ANXA8: variants seen among roughly 807,000 people sequenced by gnomAD.
ANXA8 encodes VAC-beta.
A neutral mutation model predicts 26.8 loss-of-function variants in ANXA8; 9 were observed. The observed-to-expected ratio is 0.34, with a 90% CI of 0.20 to 0.59. ANXA8 has a LOEUF of 0.59. Ranked by LOEUF, ANXA8 falls within the 20% of genes least tolerant of loss-of-function variation. The probability of loss-of-function intolerance (pLI) is 0.84; values close to 1 mark genes in which losing one functional copy is unlikely to be tolerated. For missense variants in ANXA8, 83 were observed against 238.5 expected (o/e 0.35, Z 4.29); for synonymous variants, 39 against 94.8 (o/e 0.41, Z 3.42).
chr10:47,743,327 T>TACATATATATAC, the ANXA8 span, among the ~76,000 whole-genome samples: 1 of 40,334 alleles, frequency 2.5e-5, no homozygotes, highest in Non-Finnish European at 5.6e-5. Flanking sequence ...TATATATATA[T>TACATATATATAC]ACATATATAT....
At chr10:47,938,106 G>A in the ANXA8 span, among the ~76,000 whole-genome samples, 234 of 37,456 alleles carry the variant, frequency 6.2e-3, no homozygotes, top group Middle Eastern at 0.035. Flanking sequence ...TTACCTCACT[G>A]TTTTCCACAA....
chr10:47,900,910 T>C, the ANXA8 span, among the ~76,000 whole-genome samples: 14 of 116,350 alleles, frequency 1.2e-4, no homozygotes, highest in South Asian at 3.8e-3. Flanking sequence ...AGTAACAGCA[T>C]GGAAAAGCTT....
chr10:47,744,395 T>A, the ANXA8 span, among the ~76,000 whole-genome samples: 1 of 57,566 alleles, frequency 1.7e-5, no homozygotes, highest in Non-Finnish European at 3.6e-5. Context: ...TGTCCACACG[T>A]GGGGAAGGCT....
the ANXA8 span, among the ~76,000 whole-genome samples, chr10:47,940,656 C>T: frequency 1.4e-5 from 2 of 147,814 alleles, no homozygotes; most frequent in Admixed American, 6.7e-5. Context: ...GGTGAAACAC[C>T]GTCTCTACTA....
chr10:47,669,988 C>G, the ANXA8 span, among the ~76,000 whole-genome samples: 1 of 151,834 alleles, frequency 6.6e-6, no homozygotes, highest in Admixed American at 6.6e-5. Context: ...CAAAAAGAAA[C>G]CCCATACCCA....
chr10:47,523,861 C>T, the ANXA8 span, among the ~76,000 whole-genome samples: 56 of 146,504 alleles, frequency 3.8e-4, no homozygotes, highest in African/African-American at 8.8e-4. Context: ...CGGAGCTCCT[C>T]CTCCTTCTGT....
At chr10:47,985,046 G>A in the ANXA8 span, among the ~76,000 whole-genome samples, 1 of 148,538 alleles carries the variant, frequency 6.7e-6, no homozygotes, top group South Asian at 2.1e-4. Flanking sequence ...AAGCTATGGA[G>A]GGGAGAAAAT....
chr10:47,898,811 ATTT>A, the ANXA8 span, among the ~76,000 whole-genome samples: 2 of 56,254 alleles, frequency 3.6e-5, no homozygotes, highest in African/African-American at 1.7e-4. Context: ...AAGAGAATGG[ATTT>A]TTTTTTTTTT....
the ANXA8 span, among the ~76,000 whole-genome samples, chr10:47,743,352 A>ATACATATATATATG: frequency 7.2e-4 from 50 of 69,592 alleles, 3 homozygotes; most frequent in East Asian, 0.014. Flanking sequence ...ATATATATAT[A>ATACATATATATATG]TACACATATA....
chr10:47,958,899 A>G, the ANXA8 span, among the ~76,000 whole-genome samples: 2 of 150,146 alleles, frequency 1.3e-5, 1 homozygote, highest in Non-Finnish European at 2.9e-5. Flanking sequence ...AATTACCTCC[A>G]TCTATCTAGT....
At chr10:47,970,379 GTCC>G in the ANXA8 span, 1 of 150,978 alleles carries the variant, frequency 6.6e-6, no homozygotes, top group African/African-American at 2.4e-5. Flanking sequence ...AAGGAGGTGT[GTCC>G]TCCTTGGAAG....
chr10:47,658,310 C>T, the ANXA8 span, among the ~76,000 whole-genome samples: 240 of 151,122 alleles, frequency 1.6e-3, 3 homozygotes, highest in African/African-American at 5.5e-3. Context: ...CACTTGAACC[C>T]GGGAGACGGA....
chr10:47,686,225 C>CTTTT, the ANXA8 span, among the ~76,000 whole-genome samples: 2 of 122,932 alleles, frequency 1.6e-5, no homozygotes, highest in Non-Finnish European at 3.4e-5. Flanking sequence ...GCTCCTATCA[C>CTTTT]TTTTTTTTTT....
chr10:47,985,706 C>T, the ANXA8 span: 1 of 121,472 alleles, frequency 8.2e-6, no homozygotes, highest in Non-Finnish European at 1.8e-5. Flanking sequence ...TCTACCATGC[C>T]ACTCCATCCA....
At chr10:47,733,231 CTCTCTTTCTTTCTT>C in the ANXA8 span, among the ~76,000 whole-genome samples, 30 of 75,056 alleles carry the variant, frequency 4.0e-4, 2 homozygotes, top group East Asian at 6.1e-3. Context: ...CTCTTTCTTT[CTCTCTTTCTTTCTT>C]TCTTTCTTTC....
the ANXA8 span, among the ~76,000 whole-genome samples, chr10:47,990,966 G>T: frequency 1.3e-5 from 2 of 149,132 alleles, no homozygotes; most frequent in Admixed American, 1.3e-4. Flanking sequence ...GGCTCTAGCA[G>T]GCCAGGTCCT....
the ANXA8 span, among the ~76,000 whole-genome samples, chr10:47,594,892 G>T: frequency 2.0e-5 from 3 of 149,112 alleles, no homozygotes; most frequent in African/African-American, 7.7e-5. Context: ...ATGTTGACAT[G>T]CATACACCAG....
chr10:47,504,834 G>C, the ANXA8 span, among the ~76,000 whole-genome samples: 8 of 130,708 alleles, frequency 6.1e-5, no homozygotes, highest in East Asian at 2.5e-4. Context: ...GGCCTAAGAG[G>C]TCATAACTGT....
At chr10:47,736,923 G>A in the ANXA8 span, among the ~76,000 whole-genome samples, 1 of 151,752 alleles carries the variant, frequency 6.6e-6, no homozygotes, top group Non-Finnish European at 1.5e-5. Flanking sequence ...CCAAAGTACT[G>A]AGACTACAGG....
Sources: gnomAD v4.1 joint callset for allele counts (sites outside exome capture counted in the v4.1 genomes callset) on GRCh38, gnomAD v4.1.1 for gene constraint, MANE v1.5 for transcripts, NCBI Gene and HGNC (gene_info 2026-07-23, HGNC 2026-07-21) for gene names.